The following EXOC4 variants were observed in gnomAD, a reference collection of about 807,000 sequenced individuals.
EXOC4 encodes SEC8-like 1.
EXOC4 carries 71 observed loss-of-function variants against 107.2 expected under a neutral mutation model. That is an observed-to-expected ratio of 0.66 (90% CI 0.55 to 0.81). The LOEUF (loss-of-function observed/expected upper bound fraction) is 0.81. Ranked by LOEUF, EXOC4 falls within the 30% of genes least tolerant of loss-of-function variation. The pLI, the probability that EXOC4 is intolerant of heterozygous loss-of-function variation, is 0.00. For synonymous variants in EXOC4, 456 were observed against 441.2 expected, an observed-to-expected ratio of 1.03 and a Z score of -0.42; for missense variants, 1,108 against 1,189.6, an observed-to-expected ratio of 0.93 and a Z score of 1.01.
At chr7:133,765,584 G>T (rs545433960) in intron 10 of EXOC4, among the ~76,000 whole-genome samples, 2 of 152,006 alleles carry the variant, frequency 1.3e-5, no homozygotes, top group South Asian at 4.2e-4. Context: ...AGGGAGTGTG[G>T]TATTTTAAGA....
At chr7:133,587,554 A>G (rs182933482) in intron 9 of EXOC4, among the ~76,000 whole-genome samples, 1 of 152,340 alleles carries the variant, frequency 6.6e-6, no homozygotes, top group East Asian at 1.9e-4. Flanking sequence ...TTTGTCTTTT[A>G]TAAAAGGTGT....
At chr7:133,513,008 G>A (rs1799801518) in intron 9 of EXOC4, among the ~76,000 whole-genome samples, 1 of 152,044 alleles carries the variant, frequency 6.6e-6, no homozygotes, top group Non-Finnish European at 1.5e-5. Flanking sequence ...GGGAGACTGA[G>A]GCAGGAGAAT....
At chr7:134,041,654 A>C (rs940105321) in intron 17 of EXOC4, among the ~76,000 whole-genome samples, 1 of 152,180 alleles carries the variant, frequency 6.6e-6, no homozygotes, top group African/African-American at 2.4e-5. Flanking sequence ...TATCATCAGT[A>C]TATTATAGAA....
chr7:133,492,037 G>GT (rs1303757810), intron 9 of EXOC4, among the ~76,000 whole-genome samples: 2 of 152,196 alleles, frequency 1.3e-5, no homozygotes, highest in Non-Finnish European at 1.5e-5. Flanking sequence ...AGAAGGTTCG[G>GT]TTTTTGTCCT....
chr7:133,541,770 T>C (rs1800385056), intron 9 of EXOC4, among the ~76,000 whole-genome samples: 1 of 152,146 alleles, frequency 6.6e-6, no homozygotes, highest in Non-Finnish European at 1.5e-5. Flanking sequence ...GGAAAATTCT[T>C]AGTGGATGTT....
At chr7:134,078,960 G>A in the EXOC4 span, among the ~76,000 whole-genome samples, 1 of 152,158 alleles carries the variant, frequency 6.6e-6, no homozygotes, top group Middle Eastern at 3.2e-3. Context: ...ACAGAGTTCA[G>A]AAGGGAAGTA....
At chr7:133,281,496 A>G (rs1251743052) in intron 2 of EXOC4, among the ~76,000 whole-genome samples, 4 of 151,790 alleles carry the variant, frequency 2.6e-5, no homozygotes, top group African/African-American at 9.7e-5. Context: ...TCAGTATTTT[A>G]TACTTTTAAA....
At chr7:133,602,269 G>A (rs956071831) in intron 9 of EXOC4, among the ~76,000 whole-genome samples, 21 of 152,338 alleles carry the variant, frequency 1.4e-4, no homozygotes, top group Admixed American at 1.3e-3. Flanking sequence ...TCTGCAGGTA[G>A]TTCTTGTACT....
At chr7:133,487,712 A>C (rs1799295003) in intron 9 of EXOC4, among the ~76,000 whole-genome samples, 1 of 151,734 alleles carries the variant, frequency 6.6e-6, no homozygotes, top group African/African-American at 2.4e-5. Context: ...CCATCTCAAA[A>C]AACAAACAAA....
chr7:134,018,193 G>T (rs1454123933), intron 17 of EXOC4, among the ~76,000 whole-genome samples: 1 of 152,174 alleles, frequency 6.6e-6, no homozygotes, highest in Non-Finnish European at 1.5e-5. Flanking sequence ...TGTGACTGAA[G>T]CCCAAGAATG....
chr7:134,055,470 A>G (rs1795898713), intron 17 of EXOC4, among the ~76,000 whole-genome samples: 1 of 152,208 alleles, frequency 6.6e-6, no homozygotes, highest in South Asian at 2.1e-4. Flanking sequence ...CCTCACTGGC[A>G]TCATGCTCAT....
chr7:133,447,577 G>A (rs1381991700), intron 7 of EXOC4, among the ~76,000 whole-genome samples: 2 of 151,630 alleles, frequency 1.3e-5, no homozygotes, highest in Non-Finnish European at 2.9e-5. Flanking sequence ...CATATTGGGA[G>A]TACAAAATTC....
chr7:133,280,551 A>T (rs926477654), intron 2 of EXOC4, among the ~76,000 whole-genome samples: 1 of 152,166 alleles, frequency 6.6e-6, no homozygotes, highest in African/African-American at 2.4e-5. Flanking sequence ...CTTTGTTGAG[A>T]TGTGCACACA....
At chr7:133,574,469 C>T (rs1801086243) in intron 9 of EXOC4, among the ~76,000 whole-genome samples, 1 of 152,116 alleles carries the variant, frequency 6.6e-6, no homozygotes, top group Non-Finnish European at 1.5e-5. Context: ...CTGAATAAAA[C>T]ATTTGTTACT....
chr7:133,917,710 A>G lies in EXOC4; in HGVS notation c.1999A>G (p.Lys667Glu), dbSNP rs1030055549. The change falls in exon 13 of 18, where the codon AAA becomes GAA. Residue 667 changes from lysine to glutamate, a missense_variant. Coordinates refer to ENST00000253861, the MANE Select transcript of EXOC4 (RefSeq NM_021807.4). ...NMAQPKQLRP[K>E]REEEEDFIRA... is the part of the protein sequence containing the mutation. ...GGCTCAACCCAAACAGCTGAGGCCA[A>G]AAAGAGAGGAGGAAGAAGATTTCAT... 6.2e-7 allele frequency: 1 copy of G among 1,614,014 alleles called. No homozygotes were observed. The highest frequency in any genetic ancestry group is 1.3e-5 in the African/African-American group (1 of 74,936).
chr7:133,904,199 A>G (rs1462390585), intron 12 of EXOC4, among the ~76,000 whole-genome samples: 1 of 152,174 alleles, frequency 6.6e-6, no homozygotes, highest in Non-Finnish European at 1.5e-5. Context: ...ACATATTTGT[A>G]TTTGAAGAAA....
chr7:133,463,657 C>G (rs1323666556), intron 7 of EXOC4, among the ~76,000 whole-genome samples: 1 of 152,080 alleles, frequency 6.6e-6, no homozygotes, highest in African/African-American at 2.4e-5. Flanking sequence ...AGCCTAACTA[C>G]TAATACTCAA....
rs898771338 is a variant in EXOC4 at position 133,557,716 on chromosome 7, C to T, written c.1418-72329C>T. Among the ~76,000 whole-genome samples the T allele has an allele frequency of 2.0e-5, 3 of 152,082 alleles. No individual in the cohort carries two copies. In the East Asian group the frequency reaches 5.8e-4, roughly 29 times the overall value. ...ACTTAAAACAGCACAAATGGCCGGGCGCGGTGGCTCACACCTGTAATCCCA... is the reference window on the plus strand; with the variant it reads ...ACTTAAAACAGCACAAATGGCCGGGTGCGGTGGCTCACACCTGTAATCCCA... On this transcript the variant is annotated intron_variant, in intron 9 of 17. Transcript: ENST00000253861.
At chr7:133,481,785 G>A (rs930162632) in intron 9 of EXOC4, among the ~76,000 whole-genome samples, 1 of 152,206 alleles carries the variant, frequency 6.6e-6, no homozygotes, top group African/African-American at 2.4e-5. Context: ...GAGTCTTGAT[G>A]TAGAGGAGTA....
Sources: allele counts gnomAD v4.1 joint callset (sites outside exome capture counted in the v4.1 genomes callset), GRCh38; gene constraint gnomAD v4.1.1; transcripts MANE v1.5; gene names NCBI Gene and HGNC (gene_info 2026-07-23, HGNC 2026-07-21).